The following ATP13A3 variants were observed in gnomAD, a reference collection of about 807,000 sequenced individuals.
The protein encoded by ATP13A3 is ATPase 13A3.
A neutral mutation model predicts 158.1 loss-of-function variants in ATP13A3; 59 were observed. The observed-to-expected ratio is 0.37, with a 90% confidence interval of 0.30 to 0.46. The LOEUF (loss-of-function observed/expected upper bound fraction) is 0.46, where lower values mean the gene tolerates loss of function less well. Ranked by LOEUF, ATP13A3 falls within the 20% of genes least tolerant of loss-of-function variation. The probability of loss-of-function intolerance (pLI) is 1.00; values close to 1 mark genes in which losing one functional copy is unlikely to be tolerated. For synonymous variants in ATP13A3, 491 were observed against 504.3 expected (o/e 0.97, Z 0.35); for missense variants, 1,166 against 1,525.2 (o/e 0.76, Z 3.92).
intron 10 of ATP13A3, chr3:194,453,020 A>G (rs1192603368): frequency 1.3e-5 from 2 of 152,282 alleles, no homozygotes; most frequent in East Asian, 3.9e-4. Context: ...TCTTAAAAAA[A>G]TGAATGTATG....
intron 33 of ATP13A3, among the ~76,000 whole-genome samples, chr3:194,409,267 A>G (rs566782830): frequency 5.2e-4 from 79 of 152,350 alleles, no homozygotes; most frequent in East Asian, 9.6e-4. Context: ...TGTGGTTTTC[A>G]TAAGTCTTCT....
chr3:194,473,430 G>A (rs954158007), intron 2 of ATP13A3, among the ~76,000 whole-genome samples: 4 of 151,094 alleles, frequency 2.6e-5, no homozygotes, highest in South Asian at 2.1e-4. Context: ...AGAACAAGAC[G>A]ATGTATTTAA....
intron 33 of ATP13A3, among the ~76,000 whole-genome samples, chr3:194,407,666 G>A (rs1245843629): frequency 6.6e-6 from 1 of 152,154 alleles, no homozygotes; most frequent in Non-Finnish European, 1.5e-5. Context: ...GGCAAAAAAG[G>A]TGGACAAAAG....
rs1182525066 is a variant in ATP13A3 at position 194,435,153 on chromosome 3, TA to T, written c.2121-1258del. Among the ~76,000 whole-genome samples the T allele has an allele frequency of 3.8e-4, 58 of 152,254 alleles. No individual in the cohort carries two copies. In the Middle Eastern group the frequency reaches 0.02, roughly 54 times the overall value. On this transcript the variant is annotated intron_variant, in intron 20 of 33. Transcript: ENST00000645319. ...ACACCTAATTTCTAACAATGGGTGG[TA>T]AGGATATTAGAGAATAGTTGAGAAA...
At chr3:194,435,199 C>G (rs1476776936) in intron 20 of ATP13A3, among the ~76,000 whole-genome samples, 1 of 152,150 alleles carries the variant, frequency 6.6e-6, no homozygotes, top group Non-Finnish European at 1.5e-5. Flanking sequence ...AATGAAACTG[C>G]TGGTTTTAAC....
chr3:194,483,632 T>G (rs184171311), intron 2 of ATP13A3, among the ~76,000 whole-genome samples: 3 of 152,210 alleles, frequency 2.0e-5, no homozygotes, highest in East Asian at 3.9e-4. Context: ...ATTTACTCTC[T>G]CCATAGGCCA....
intron 7 of ATP13A3, among the ~76,000 whole-genome samples, 169 bp downstream of exon 7, chr3:194,456,925 T>C (rs1719271225): frequency 6.6e-6 from 1 of 152,160 alleles, no homozygotes; most frequent in African/African-American, 2.4e-5. Context: ...TTATAATTCT[T>C]AAACTAAGAC....
In ATP13A3 at chr3:194,464,021, C is replaced by A. The variant is rs548098299; in HGVS notation, c.-46-1785G>T. Among the ~76,000 whole-genome samples the A allele has an allele frequency of 1.1e-4, 16 of 152,210 alleles. No individual in the cohort carries two copies. The South Asian group carries it at 3.3e-3, about 32-fold the overall frequency. ...TACAAAAATACAAAAATTAGCCGGG[C>A]ATGATGGCGGGTGCCTGTAATCCCA... On this transcript the variant is annotated intron_variant, in intron 2 of 33. Coordinates refer to ENST00000645319, the MANE Select transcript of ATP13A3 (RefSeq NM_001367549.1).
chr3:194,459,274 G>A (rs776103888), intron 6 of ATP13A3, 197 bp downstream of exon 6: 21 of 541,678 alleles, frequency 3.9e-5, no homozygotes, highest in Non-Finnish European at 6.7e-5. Context: ...ACTCTGCCAT[G>A]GTGCAAGCTG....
chr3:194,484,531 G>GT (rs1720889049), intron 2 of ATP13A3, among the ~76,000 whole-genome samples: 1 of 151,834 alleles, frequency 6.6e-6, no homozygotes, highest in Non-Finnish European at 1.5e-5. Context: ...GTCAAACTCA[G>GT]TGAGAATAAG....
intron 6 of ATP13A3, 64 bp downstream of exon 6, chr3:194,459,407 C>T: frequency 8.8e-7 from 1 of 1,141,580 alleles, no homozygotes; most frequent in Non-Finnish European, 1.3e-6. Context: ...AGAATGGACT[C>T]TTTTCTATCT....
chr3:194,443,518 ACAT>A (rs1718189045), intron 15 of ATP13A3, among the ~76,000 whole-genome samples: 1 of 152,316 alleles, frequency 6.6e-6, no homozygotes, highest in African/African-American at 2.4e-5. Flanking sequence ...CACTAGGCAA[ACAT>A]CAGGCAAAAG....
intron 31 of ATP13A3, among the ~76,000 whole-genome samples, chr3:194,418,053 A>G (rs73069193): frequency 0.028 from 4,239 of 151,586 alleles, 147 homozygotes; most frequent in African/African-American, 0.077. Flanking sequence ...GAAGGAAGGA[A>G]GGAAGGAAAC....
At position 194,444,680 on chromosome 3, in the gene ATP13A3, T is replaced by C. The variant is rs192303625; in HGVS notation, c.1559+45A>G. ...TGTTTGAATGTTGCACATGTTAAAATATTAAAAATAAACTAATAAACTATC... is the reference window on the plus strand; with the variant it reads ...TGTTTGAATGTTGCACATGTTAAAACATTAAAAATAAACTAATAAACTATC... On this transcript the variant is annotated intron_variant, in intron 15 of 33. Coordinates refer to ENST00000645319, the MANE Select transcript of ATP13A3 (RefSeq NM_001367549.1). 7.4e-6 allele frequency: 11 copies of C among 1,480,332 alleles called. No individual in the cohort carries two copies. In the African/African-American group the frequency reaches 1.3e-4, roughly 17 times the overall value. The allele number at this position is 1,480,332 out of a possible 1,614,324, so 91.7% of individuals were successfully genotyped here.
At chr3:194,453,592 C>T in intron 10 of ATP13A3, 114 bp downstream of exon 10, 2 of 817,412 alleles carry the variant, frequency 2.4e-6, no homozygotes, top group Non-Finnish European at 1.9e-6. Context: ...GAGACACTGA[C>T]TCAATCAATC....
chr3:194,466,661 T>C (rs988346771), intron 2 of ATP13A3, among the ~76,000 whole-genome samples: 24 of 152,050 alleles, frequency 1.6e-4, no homozygotes, highest in African/African-American at 5.6e-4. Context: ...TGTGTAGAAA[T>C]TGTTGATAAT....
At chr3:194,412,069 A>G in intron 33 of ATP13A3, 130 bp downstream of exon 33, 3 of 667,588 alleles carry the variant, frequency 4.5e-6, no homozygotes, top group Non-Finnish European at 7.4e-6. Flanking sequence ...GGCTGAAGGA[A>G]CACGTAATAG....
At chr3:194,455,097 T>C (rs1229960335) in intron 8 of ATP13A3, among the ~76,000 whole-genome samples, 4 of 152,354 alleles carry the variant, frequency 2.6e-5, no homozygotes, top group African/African-American at 7.2e-5. Context: ...TTGCTTACTA[T>C]AAACTCAAAA....
chr3:194,462,152 T>C lies in ATP13A3; in HGVS notation c.39A>G (p.Gln13=). ...AACAGCTGGTTACCATTTCATCTTCTTGACCCTGATTGATGGTCTTCCTTT... is the reference window on the plus strand; with the variant it reads ...AACAGCTGGTTACCATTTCATCTTCCTGACCCTGATTGATGGTCTTCCTTT... ...REERKTINQG[Q]EDEMEIYGYN... is the part of the protein sequence containing the mutation. Residue 13 remains glutamine, a synonymous_variant, in exon 3 of 34, where the codon CAA becomes CAG. Coordinates refer to ENST00000645319, the MANE Select transcript of ATP13A3 (RefSeq NM_001367549.1). 6.2e-7 allele frequency: 1 copy of C among 1,614,036 alleles called. No homozygotes were observed. The highest frequency in any genetic ancestry group is 8.5e-7 in the Non-Finnish European group (1 of 1,179,874).
Sources: gnomAD v4.1 joint callset for allele counts (sites outside exome capture counted in the v4.1 genomes callset) on GRCh38, gnomAD v4.1.1 for gene constraint, MANE v1.5 for transcripts, NCBI Gene and HGNC (gene_info 2026-07-23, HGNC 2026-07-21) for gene names.